The following MEGF10 variants were observed in gnomAD, a reference collection of about 807,000 sequenced individuals.
MEGF10 encodes the protein multiple EGF like domains 10, also known as multiple epidermal growth factor-like domains protein 10.
Under a neutral mutation model 147.5 loss-of-function variants are expected in MEGF10, and 86 were observed. The ratio of observed to expected loss-of-function variants is 0.58; its 90% CI spans 0.49 to 0.70. The LOEUF (loss-of-function observed/expected upper bound fraction) is 0.70, where lower values mean the gene tolerates loss of function less well. Ranked by LOEUF, MEGF10 falls within the 30% of genes least tolerant of loss-of-function variation. MEGF10 has a pLI of 0.00. For synonymous variants in MEGF10, 478 were observed against 525.5 expected, an observed-to-expected ratio of 0.91 and a Z score of 1.24; for missense variants, 1,329 against 1,487.3, an observed-to-expected ratio of 0.89 and a Z score of 1.75.
intron 4 of MEGF10, among the ~76,000 whole-genome samples, chr5:127,349,848 A>T (rs994062247): frequency 1.3e-5 from 2 of 152,090 alleles, no homozygotes; most frequent in African/African-American, 4.8e-5. Flanking sequence ...ATTTCCTAGT[A>T]CTAGTTTCAA....
At chr5:127,274,238 C>T in the MEGF10 span, among the ~76,000 whole-genome samples, 2 of 152,134 alleles carry the variant, frequency 1.3e-5, no homozygotes, top group African/African-American at 4.8e-5. Flanking sequence ...TTTAAAAAGA[C>T]TTACTTAAAA....
chr5:127,277,243 T>C, the MEGF10 span, among the ~76,000 whole-genome samples: 1 of 152,182 alleles, frequency 6.6e-6, no homozygotes, highest in East Asian at 1.9e-4. Flanking sequence ...GGAATTGCCT[T>C]CAACAGAAAA....
intron 4 of MEGF10, among the ~76,000 whole-genome samples, chr5:127,358,413 G>A (rs991912987): frequency 6.6e-5 from 10 of 152,258 alleles, no homozygotes; most frequent in East Asian, 5.8e-4. Flanking sequence ...TTGGATAACC[G>A]GAAGCAAAAT....
chr5:127,252,766 A>G, the MEGF10 span, among the ~76,000 whole-genome samples: 1 of 151,938 alleles, frequency 6.6e-6, no homozygotes, highest in African/African-American at 2.4e-5. Context: ...ATCTTGTATA[A>G]TAAAGGACAA....
Position 127,438,478 on chromosome 5 carries a change from C to A in MEGF10, c.2144C>A (p.Thr715Lys), listed in dbSNP as rs147731088. 403 of 1,614,142 alleles carry A rather than the reference C, an allele frequency of 2.5e-4. 1 individual carries two copies. In the African/African-American group the frequency reaches 4.8e-3, roughly 19 times the overall value. ...CACTGGGGCCCAAACTGCATCCACA[C>A]GTGCAACTGCCATAATGGAGCTTTC... ...PAHWGPNCIH[T>K]CNCHNGAFCS... The change falls in exon 17 of 25, where the codon ACG becomes AAG. Residue 715 changes from threonine (T) to lysine (K), a missense_variant. By Grantham distance (78) the Thr-to-Lys change is moderately conservative. This residue lies in a region of MEGF10 where 980 missense variants were observed against 1,085.9 expected (regional missense o/e 0.90). Transcript: ENST00000503335.
At chr5:127,356,640 A>C (rs1210074811) in intron 4 of MEGF10, among the ~76,000 whole-genome samples, 1 of 152,222 alleles carries the variant, frequency 6.6e-6, no homozygotes, top group Non-Finnish European at 1.5e-5. Context: ...AAATTGAGGG[A>C]CATAAAAGGA....
intron 19 of MEGF10, 89 bp downstream of exon 19, chr5:127,443,215 C>T: frequency 7.5e-7 from 1 of 1,342,056 alleles, no homozygotes; most frequent in East Asian, 2.8e-5. Flanking sequence ...TTATGTTATC[C>T]AGCAGAATCT....
At chr5:127,337,699 A>G (rs1761521591) in intron 2 of MEGF10, among the ~76,000 whole-genome samples, 1 of 152,056 alleles carries the variant, frequency 6.6e-6, no homozygotes, top group South Asian at 2.1e-4. Flanking sequence ...ACAGTCATCT[A>G]AAGTATATGT....
intron 5 of MEGF10, among the ~76,000 whole-genome samples, chr5:127,388,591 G>A (rs1450139145): frequency 6.6e-6 from 1 of 151,028 alleles, no homozygotes; most frequent in Non-Finnish European, 1.5e-5. Context: ...TGTCGCCCAG[G>A]CTGGAGTGCA....
Position 127,457,285 on chromosome 5 carries a change from T to TAGC in MEGF10, c.3398_3400dup (p.Ser1133dup), listed in dbSNP as rs771501615. 4 of 1,613,744 alleles carry TAGC rather than the reference T, an allele frequency of 2.5e-6. No individual in the cohort carries two copies. In the Admixed American group the frequency reaches 5.0e-5, roughly 20 times the overall value. On this transcript the variant is annotated inframe_insertion, in exon 25 of 25. Coordinates refer to ENST00000503335, the MANE Select transcript of MEGF10 (RefSeq NM_001256545.2). ...CCCCTAAGCAAGAGGACAGTGGTGG[T>TAGC]AGCAGCAGCAACAGCAGCAGCAGCA...
chr5:127,237,959 T>C, the MEGF10 span, among the ~76,000 whole-genome samples: 1 of 151,820 alleles, frequency 6.6e-6, no homozygotes, highest in African/African-American at 2.4e-5. Flanking sequence ...CATTAAATGA[T>C]GTTGATGATT....
Position 127,402,697 on chromosome 5 carries a change from T to A in MEGF10, c.917+15T>A. The stretch of plus-strand genomic sequence containing the variant: ...ACAGGGGAACGGTAAGGGATGCCCT[T>A]GTATTTCTCTGACTGTTTATAATGA... On this transcript the variant is annotated intron_variant, in intron 8 of 24. Coordinates refer to ENST00000503335, the MANE Select transcript of MEGF10 (RefSeq NM_001256545.2). 1 of 1,613,084 alleles carries A rather than the reference T, an allele frequency of 6.2e-7. No individual in the cohort carries two copies. The highest frequency in any genetic ancestry group is 1.3e-5 in the African/African-American group (1 of 74,986).
At chr5:127,429,128 G>A (rs566656389) in intron 13 of MEGF10, among the ~76,000 whole-genome samples, 15 of 152,198 alleles carry the variant, frequency 9.9e-5, no homozygotes, top group South Asian at 6.2e-4. Context: ...CCCTTCCCAC[G>A]TTGCCCCTTC....
rs540644006 is a variant in MEGF10 at position 127,416,366 on chromosome 5, G to A, written c.1131-1272G>A. 1.4e-4 allele frequency among the ~76,000 whole-genome samples: 21 copies of A among 152,238 alleles called. No homozygotes were observed. The South Asian group carries it at 2.5e-3, about 18-fold the overall frequency. ...TTTGACATGTTAAGTTTGAGATGCC[G>A]TGGAGATGCCATGTGACTGCTCAAG... On this transcript the variant is annotated intron_variant, in intron 9 of 24. Transcript: ENST00000503335.
At chr5:127,253,832 CAGAATT>C in the MEGF10 span, among the ~76,000 whole-genome samples, 25 of 152,128 alleles carry the variant, frequency 1.6e-4, no homozygotes, top group Non-Finnish European at 2.7e-4. Flanking sequence ...GGAAAATACT[CAGAATT>C]AGAAAGATGT....
the MEGF10 span, among the ~76,000 whole-genome samples, chr5:127,247,397 AGAAGAAGAAGAAGAAGAAGAAGAAGAAG>A: frequency 2.1e-5 from 1 of 47,496 alleles, no homozygotes; most frequent in Admixed American, 2.3e-4. Flanking sequence ...AAGAAGAAGA[AGAAGAAGAAGAAGAAGAAGAAGAAGAAG>A]AAGAAGAAGA....
chr5:127,277,763 T>C, the MEGF10 span, among the ~76,000 whole-genome samples: 1 of 152,128 alleles, frequency 6.6e-6, no homozygotes, highest in Non-Finnish European at 1.5e-5. Flanking sequence ...CTACAGAATT[T>C]GCTTATAGTT....
chr5:127,430,647 TG>T (rs1429757115), intron 13 of MEGF10, among the ~76,000 whole-genome samples: 3 of 152,132 alleles, frequency 2.0e-5, no homozygotes, highest in Non-Finnish European at 4.4e-5. Context: ...CTTTTCTGAC[TG>T]TAAGATGAAG....
the MEGF10 span, among the ~76,000 whole-genome samples, chr5:127,269,899 C>T: frequency 6.6e-6 from 1 of 152,172 alleles, no homozygotes; most frequent in Non-Finnish European, 1.5e-5. Flanking sequence ...AGAAACTCTA[C>T]AAGCCAGAAG....
Sources: gnomAD v4.1 joint callset for allele counts (sites outside exome capture counted in the v4.1 genomes callset) on GRCh38, gnomAD v4.1.1 for gene constraint, gnomAD v4.1.1 regional missense constraint, MANE v1.5 for transcripts, NCBI Gene and HGNC (gene_info 2026-07-23, HGNC 2026-07-21) for gene names.